IL1A: variants seen among roughly 807,000 people sequenced by gnomAD.
The protein encoded by IL1A is interleukin 1 alpha.
A neutral mutation model predicts 22.2 loss-of-function variants in IL1A; 16 were observed. The ratio of observed to expected loss-of-function variants is 0.72; its 90% CI spans 0.49 to 1.09. The LOEUF (loss-of-function observed/expected upper bound fraction) is 1.09. Ranked by LOEUF, IL1A falls within the 50% of genes least tolerant of loss-of-function variation. IL1A has a pLI of 0.00. For synonymous variants in IL1A, 113 were observed against 118.5 expected, an observed-to-expected ratio of 0.95 and a Z score of 0.30; for missense variants, 317 against 321.8, an observed-to-expected ratio of 0.99 and a Z score of 0.11.
At chr2:112,782,592 T>G (rs1573255116) in intron 3 of IL1A, 124 bp downstream of exon 3, 1 of 683,580 alleles carries the variant, frequency 1.5e-6, no homozygotes, top group African/African-American at 1.8e-5. Context: ...GAAAGACAGG[T>G]CTCTGGACCT....
intron 1 of IL1A, among the ~76,000 whole-genome samples, 198 bp downstream of exon 1, chr2:112,784,245 C>T (rs1681262872): frequency 1.3e-5 from 2 of 152,190 alleles, no homozygotes; most frequent in Non-Finnish European, 2.9e-5. Context: ...CTCAGTATAA[C>T]GAATCAGTCC....
chr2:112,777,879 G>A (rs775323619), intron 6 of IL1A, 108 bp downstream of exon 6: 8 of 1,155,460 alleles, frequency 6.9e-6, no homozygotes, highest in Non-Finnish European at 1.0e-5. Flanking sequence ...GGCTGTGGTA[G>A]GAAGGAAAGA....
At chr2:112,781,327 G>T (rs1681194095) in intron 4 of IL1A, among the ~76,000 whole-genome samples, 1 of 152,122 alleles carries the variant, frequency 6.6e-6, no homozygotes, top group Non-Finnish European at 1.5e-5. Flanking sequence ...CTCGTAAGTG[G>T]TCTTATTACT....
At chr2:112,781,002 A>G (rs1681188280) in intron 4 of IL1A, among the ~76,000 whole-genome samples, 1 of 152,066 alleles carries the variant, frequency 6.6e-6, no homozygotes, top group Admixed American at 6.5e-5. Context: ...CCTGGGTGAC[A>G]GAGCCAGACT....
chr2:112,779,411 T>C, intron 5 of IL1A, 85 bp downstream of exon 5: 1 of 1,165,716 alleles, frequency 8.6e-7, no homozygotes, highest in South Asian at 1.7e-5. Flanking sequence ...GGTATGTTTT[T>C]TGCAAGCAGA....
intron 4 of IL1A, among the ~76,000 whole-genome samples, chr2:112,781,363 A>G (rs1681194788): frequency 6.6e-6 from 1 of 152,230 alleles, no homozygotes; most frequent in Non-Finnish European, 1.5e-5. Flanking sequence ...GCTAAAAGTC[A>G]CACGACCTTT....
intron 1 of IL1A, among the ~76,000 whole-genome samples, chr2:112,783,986 T>C (rs1681258741): frequency 6.6e-6 from 1 of 152,270 alleles, no homozygotes; most frequent in Admixed American, 6.5e-5. Context: ...TAGAATGTTT[T>C]ATTTATGTTG....
At position 112,781,791 on chromosome 2, in the gene IL1A, A is replaced by G; in HGVS notation, c.132T>C (p.His44=). 1 of 1,614,130 alleles carries G rather than the reference A, an allele frequency of 6.2e-7. No homozygotes were observed. Among genetic ancestry groups the G allele is most frequent in the Non-Finnish European group, 8.5e-7 (1 of 1,179,948 alleles). Residue 44 remains histidine (H), a synonymous_variant, in exon 4 of 7, where the codon CAT becomes CAC. Transcript: ENST00000263339. ...ACACAGATTGATCCATGCAGCCTTC[A>G]TGGAGTGGGCCATAGCTTACATGAT... ...SFYHVSYGPL[H]EGCMDQSVSL... is the part of the protein sequence containing the mutation.
chr2:112,777,950 G>A (rs1681127039), intron 6 of IL1A, 37 bp downstream of exon 6: 1 of 1,610,872 alleles, frequency 6.2e-7, no homozygotes, highest in African/African-American at 1.3e-5. Flanking sequence ...CATATGAGAT[G>A]TAAATGAAGG....
Position 112,781,716 on chromosome 2 carries a change from C to G in IL1A, c.207G>C (p.Glu69Asp), listed in dbSNP as rs1377275001. 9.9e-6 allele frequency: 16 copies of G among 1,614,102 alleles called. No homozygotes were observed. Among genetic ancestry groups the G allele is most frequent in the East Asian group, 2.2e-5 (1 of 44,880 alleles). ...TSKTSKLTFK[E>D]SMVVVATNGK... ...CGTTGGTTGCTACTACCACCATGCT[C>G]TCCTTGAAGGTAAGCTTGGATGTTT... Residue 69 changes from glutamate (E) to aspartate (D), a missense_variant, in exon 4 of 7, where the codon GAG becomes GAC. Physicochemically the swap from Glu to Asp is conservative, Grantham distance 45 (BLOSUM62 2). Coordinates refer to ENST00000263339, the MANE Select transcript of IL1A (RefSeq NM_000575.5).
chr2:112,782,647 G>GT, intron 3 of IL1A, 69 bp downstream of exon 3: 1 of 1,128,820 alleles, frequency 8.9e-7, no homozygotes, highest in Non-Finnish European at 1.3e-6. Context: ...AGTCATTGCT[G>GT]TTCTCTTTGG....
In IL1A at chr2:112,779,564, T is replaced by C. The variant is rs190193834; in HGVS notation, c.422A>G (p.Asn141Ser). 8.9e-5 allele frequency: 143 copies of C among 1,611,992 alleles called. No individual in the cohort carries two copies. Among genetic ancestry groups the C allele is most frequent in the Non-Finnish European group, 1.2e-4 (136 of 1,178,400 alleles). Residue 141 changes from asparagine to serine, a missense_variant, in exon 5 of 7, where the codon AAT becomes AGT. Coordinates refer to ENST00000263339, the MANE Select transcript of IL1A (RefSeq NM_000575.5). ...KYEFILNDAL[N>S]QSIIRANDQY... is the part of the protein sequence containing the mutation. The stretch of plus-strand genomic sequence containing the variant: ...ATCATTGGCTCGAATTATACTTTGA[T>C]TGAGGGCGTCATTCAGGATGAATTC...
At position 112,775,272 on chromosome 2, in the gene IL1A, G is replaced by C. The variant is rs957816968; in HGVS notation, c.616-5C>G. ...TTTGGGTATCTCAGGCATCTCCTATGAAGAAAAGAAGAGAATTCTGTTAGA... is the reference window on the plus strand; with the variant it reads ...TTTGGGTATCTCAGGCATCTCCTATCAAGAAAAGAAGAGAATTCTGTTAGA... On this transcript the variant is annotated splice_region_variant and splice_polypyrimidine_tract_variant and intron_variant, in intron 6 of 6. Transcript: ENST00000263339. The C allele has an allele frequency of 1.2e-6, 2 of 1,606,766 alleles. No individual in the cohort carries two copies. Among genetic ancestry groups the C allele is most frequent in the East Asian group, 2.2e-5 (1 of 44,850 alleles).
At chr2:112,775,307 G>T in intron 6 of IL1A, 40 bp from the exon 7 acceptor site, 4 of 1,543,124 alleles carry the variant, frequency 2.6e-6, no homozygotes, top group Non-Finnish European at 3.6e-6. Context: ...AGAACAAGAT[G>T]GTAGAAAAAG....
chr2:112,777,799 TG>T (rs1216459564), intron 6 of IL1A, among the ~76,000 whole-genome samples, 187 bp downstream of exon 6: 3 of 152,228 alleles, frequency 2.0e-5, no homozygotes, highest in Non-Finnish European at 4.4e-5. Flanking sequence ...TCTTACTCTC[TG>T]TTATATTTTC....
rs1195498571 is a variant in IL1A at position 112,774,042 on chromosome 2, A to T, written c.*1025T>A. ...TTAGAACCTAGAAGAAACATTGATT[A>T]CATTCCAGAAAAGAAAGTTTTGATA... On this transcript the variant is annotated 3_prime_UTR_variant, in exon 7 of 7. Transcript: ENST00000263339. The T allele has an allele frequency of 1.3e-5, 2 of 152,226 alleles. No homozygotes were observed. The highest frequency in any genetic ancestry group is 4.8e-5 in the African/African-American group (2 of 41,458). 9.4% of individuals were successfully genotyped at this position (152,226 alleles called of 1,614,324 possible).
chr2:112,778,253 G>A (rs1348544992), intron 5 of IL1A, 142 bp from the exon 6 acceptor site: 2 of 669,434 alleles, frequency 3.0e-6, no homozygotes, highest in East Asian at 5.6e-5. Flanking sequence ...CCCACCTATG[G>A]TGTAAATACC....
At position 112,782,698 on chromosome 2, in the gene IL1A, T is replaced by C. The variant is rs1215864941; in HGVS notation, c.96+18A>G. The C allele has an allele frequency of 8.9e-6, 14 of 1,566,544 alleles. No individual in the cohort carries two copies. Among genetic ancestry groups the C allele is most frequent in the Non-Finnish European group, 1.2e-5 (14 of 1,137,310 alleles). On this transcript the variant is annotated intron_variant, in intron 3 of 6. Transcript: ENST00000263339. The stretch of plus-strand genomic sequence containing the variant: ...TGTAAGAATAGCAGTCCCATGAGAA[T>C]TACAGTCATTTGCTTACCTGATTCA...
chr2:112,778,397 G>A (rs1476157099), intron 5 of IL1A, among the ~76,000 whole-genome samples: 1 of 152,130 alleles, frequency 6.6e-6, no homozygotes, highest in Non-Finnish European at 1.5e-5. Flanking sequence ...CTGAATAAGT[G>A]TTGAATCTCT....
Sources: gnomAD v4.1 joint callset for allele counts (sites outside exome capture counted in the v4.1 genomes callset) on GRCh38, gnomAD v4.1.1 for gene constraint, MANE v1.5 for transcripts, NCBI Gene and HGNC (gene_info 2026-07-23, HGNC 2026-07-21) for gene names.